Variants in CCDC88A observed in about 807,000 individuals in gnomAD.
CCDC88A encodes coiled-coil and HOOK domain protein 88A.
A neutral mutation model predicts 234.3 loss-of-function variants in CCDC88A; 54 were observed. That is an observed-to-expected ratio of 0.23 (90% CI 0.19 to 0.29). The LOEUF is 0.29. Among genes scored for constraint, CCDC88A ranks in the 10% least tolerant of loss-of-function variants. The probability of loss-of-function intolerance (pLI) is 1.00; values close to 1 mark genes in which losing one functional copy is unlikely to be tolerated. For missense variants in CCDC88A, 1,832 were observed against 2,123.4 expected (o/e 0.86, Z 2.70); for synonymous variants, 753 against 737.8 (o/e 1.02, Z -0.33).
chr2:55,407,039 C>T lies in CCDC88A; in HGVS notation c.164+11777G>A, dbSNP rs117442835. Among the ~76,000 whole-genome samples the T allele has an allele frequency of 4.2e-3, 633 of 151,968 alleles. 12 individuals are homozygous for T. The East Asian group carries it at 0.071, about 17-fold the overall frequency. ...ACCAGCCTGGGAAACAAAGTAAGACCCCATCTCTACAAAAAAAAATTTTAA... is the reference window on the plus strand; with the variant it reads ...ACCAGCCTGGGAAACAAAGTAAGACTCCATCTCTACAAAAAAAAATTTTAA... On this transcript the variant is annotated intron_variant, in intron 2 of 32. Coordinates refer to ENST00000436346, the MANE Select transcript of CCDC88A (RefSeq NM_001365480.1).
intron 2 of CCDC88A, among the ~76,000 whole-genome samples, chr2:55,396,599 G>A (rs559617519): frequency 2.0e-5 from 3 of 152,174 alleles, no homozygotes; most frequent in East Asian, 1.9e-4. Context: ...ACCTGGGTGC[G>A]GTGGCTCACA....
At chr2:55,339,743 C>T (rs1668245640) in intron 12 of CCDC88A, 95 bp from the exon 13 acceptor site, 1 of 867,498 alleles carries the variant, frequency 1.2e-6, no homozygotes. Flanking sequence ...ATATGCATTG[C>T]ATCATCTGAT....
At chr2:55,306,783 C>A (rs1252167092) in intron 25 of CCDC88A, among the ~76,000 whole-genome samples, 1 of 152,082 alleles carries the variant, frequency 6.6e-6, no homozygotes, top group Non-Finnish European at 1.5e-5. Context: ...ACCATGTTGG[C>A]CAGACTGGTC....
intron 21 of CCDC88A, 53 bp from the exon 22 acceptor site, chr2:55,316,167 G>A (rs994438023): frequency 6.8e-6 from 5 of 739,594 alleles, no homozygotes; most frequent in East Asian, 3.0e-5. Context: ...AGCTTTTGGT[G>A]TAATTTATAC....
intron 3 of CCDC88A, among the ~76,000 whole-genome samples, chr2:55,387,779 C>CAAAAAAAAAAAAAAAAAAAAAAAAA (rs66479611): frequency 2.2e-4 from 14 of 64,822 alleles, no homozygotes; most frequent in Admixed American, 4.1e-4. Flanking sequence ...GGCTCCATCT[C>CAAAAAAAAAAAAAAAAAAAAAAAAA]AAAAAAAAAA....
At chr2:55,354,595 G>A (rs1402555757) in intron 8 of CCDC88A, among the ~76,000 whole-genome samples, 2 of 150,308 alleles carry the variant, frequency 1.3e-5, no homozygotes, top group African/African-American at 4.9e-5. Flanking sequence ...ACAGAGTCTC[G>A]CTCTGTCACC....
intron 5 of CCDC88A, among the ~76,000 whole-genome samples, chr2:55,368,832 T>G (rs1350057064): frequency 2.6e-5 from 4 of 152,192 alleles, no homozygotes; most frequent in African/African-American, 9.7e-5. Flanking sequence ...TTTTCTGAAA[T>G]AGAGAGGACA....
intron 29 of CCDC88A, chr2:55,297,286 T>TAC (rs1680173548): frequency 9.6e-6 from 1 of 104,484 alleles, no homozygotes; most frequent in Non-Finnish European, 1.9e-5. Flanking sequence ...TTATATATAA[T>TAC]ATATATAATT....
intron 29 of CCDC88A, 109 bp from the exon 30 acceptor site, chr2:55,296,632 A>G: frequency 9.7e-7 from 1 of 1,034,554 alleles, no homozygotes. Flanking sequence ...AGCCAAATTT[A>G]CTTTCAAGCT....
chr2:55,399,229 C>A (rs115598474), intron 2 of CCDC88A, among the ~76,000 whole-genome samples: 2,301 of 152,086 alleles, frequency 0.015, 62 homozygotes, highest in African/African-American at 0.052. Context: ...GAAGAAATTG[C>A]TTTTAAAAAA....
intron 2 of CCDC88A, among the ~76,000 whole-genome samples, chr2:55,407,276 A>G (rs1168435476): frequency 6.6e-6 from 1 of 152,036 alleles, no homozygotes; most frequent in Admixed American, 6.6e-5. Context: ...GATATCTCAC[A>G]AAGTCTGATT....
chr2:55,418,040 T>G (rs1389094463), intron 2 of CCDC88A: 3 of 152,172 alleles, frequency 2.0e-5, no homozygotes, highest in Non-Finnish European at 4.4e-5. Flanking sequence ...AAAGCTGAGT[T>G]TTAATTTTAC....
At chr2:55,397,423 A>C (rs1047672204) in intron 2 of CCDC88A, 18 of 152,010 alleles carry the variant, frequency 1.2e-4, no homozygotes, top group Non-Finnish European at 1.3e-4. Flanking sequence ...AGAACTAAAA[A>C]TATATATAAA....
chr2:55,397,696 A>G (rs929180488), intron 2 of CCDC88A, among the ~76,000 whole-genome samples: 3 of 152,102 alleles, frequency 2.0e-5, no homozygotes, highest in East Asian at 1.9e-4. Context: ...TTTTTCAAAA[A>G]AAGTGTTAAT....
At chr2:55,413,944 C>T (rs193249100) in intron 2 of CCDC88A, among the ~76,000 whole-genome samples, 1 of 138,864 alleles carries the variant, frequency 7.2e-6, no homozygotes, top group African/African-American at 2.7e-5. Flanking sequence ...AGAACAAGAC[C>T]GTCTCAAAAA....
At chr2:55,339,395 A>C (rs12621734) in intron 13 of CCDC88A, 69 bp downstream of exon 13, 322,440 of 1,207,238 alleles carry the variant, frequency 0.27, 44,702 homozygotes, top group East Asian at 0.5. Context: ...AGTGGAAAAT[A>C]AATGGGCTAT....
At position 55,336,833 on chromosome 2, in the gene CCDC88A, A is replaced by G. The variant is rs1437812310; in HGVS notation, c.1519-15T>C. 1 of 1,509,154 alleles carries G rather than the reference A, an allele frequency of 6.6e-7. No homozygotes were observed. Among genetic ancestry groups the G allele is most frequent in the Non-Finnish European group, 9.1e-7 (1 of 1,100,616 alleles). The allele number at this position is 1,509,154 out of a possible 1,614,324, so 93.5% of individuals were successfully genotyped here. A position where few individuals can be genotyped will look rare whatever the true frequency, so the allele number is the denominator to read the frequency against. On this transcript the variant is annotated splice_polypyrimidine_tract_variant and intron_variant, in intron 13 of 32. Transcript: ENST00000436346. ...AGAATCTCAACCTAGAGAAAATTAAATCACAAAACAATACGTTAAATATTC... is the reference window on the plus strand; with the variant it reads ...AGAATCTCAACCTAGAGAAAATTAAGTCACAAAACAATACGTTAAATATTC...
chr2:55,388,889 G>A lies in CCDC88A; in HGVS notation c.165-3C>T. The A allele has an allele frequency of 9.0e-7, 1 of 1,107,444 alleles. No homozygotes were observed. The highest frequency in any genetic ancestry group is 1.3e-6 in the Non-Finnish European group (1 of 762,746). The allele number at this position is 1,107,444 out of a possible 1,614,324, so 68.6% of individuals were successfully genotyped here. Reference sequence around the variant, plus strand: ...TCTGACTCTCCAATTTAGGATTACTGTAAGAAATACAAAAATACTTTAAAA... The same window carrying A: ...TCTGACTCTCCAATTTAGGATTACTATAAGAAATACAAAAATACTTTAAAA... On this transcript the variant is annotated splice_region_variant and splice_polypyrimidine_tract_variant and intron_variant, in intron 2 of 32. Coordinates refer to ENST00000436346, the MANE Select transcript of CCDC88A (RefSeq NM_001365480.1).
chr2:55,359,429 T>C (rs1300953875), intron 7 of CCDC88A, among the ~76,000 whole-genome samples: 1 of 151,948 alleles, frequency 6.6e-6, no homozygotes, highest in Non-Finnish European at 1.5e-5. Flanking sequence ...CCATTAAAGA[T>C]TATTTAGATA....
Sources: gnomAD v4.1 joint callset for allele counts (sites outside exome capture counted in the v4.1 genomes callset) on GRCh38, gnomAD v4.1.1 for gene constraint, MANE v1.5 for transcripts, NCBI Gene and HGNC (gene_info 2026-07-23, HGNC 2026-07-21) for gene names.